TECTB: variants seen among roughly 807,000 people sequenced by gnomAD.
The protein encoded by TECTB is tectorin beta, also known as beta-tectorin.
TECTB carries 45 observed loss-of-function variants against 43.3 expected under a neutral mutation model. The observed-to-expected ratio is 1.04, with a 90% CI of 0.82 to 1.33. The LOEUF is 1.33. Ranked by LOEUF, TECTB falls within the 40% of genes most tolerant of loss-of-function variation. TECTB has a pLI of 0.00. For synonymous variants in TECTB, 169 were observed against 156.7 expected, an observed-to-expected ratio of 1.08 and a Z score of -0.59; for missense variants, 399 against 404.7, an observed-to-expected ratio of 0.99 and a Z score of 0.12.
At chr10:112,302,211 C>T (rs997828938) in intron 10 of TECTB, 78 bp downstream of exon 10, 6 of 1,563,208 alleles carry the variant, frequency 3.8e-6, no homozygotes, top group Non-Finnish European at 4.4e-6. Context: ...AGAAGCTTAA[C>T]TTTGGCCCCG....
chr10:112,302,965 C>T (rs1848625169), intron 10 of TECTB: 1 of 409,528 alleles, frequency 2.4e-6, no homozygotes, highest in Non-Finnish European at 4.4e-6. Flanking sequence ...TCATGTAAAT[C>T]AACTTTTAAA....
chr10:112,301,832 T>C (rs543597527), intron 9 of TECTB, among the ~76,000 whole-genome samples: 7 of 152,278 alleles, frequency 4.6e-5, no homozygotes, highest in African/African-American at 1.7e-4. Context: ...TGACTCAGCC[T>C]CCTGAGTAGC....
chr10:112,283,785 A>C lies in TECTB; in HGVS notation c.51A>C (p.Ala17=). The C allele has an allele frequency of 6.2e-7, 1 of 1,614,000 alleles. No homozygotes were observed. Among genetic ancestry groups the C allele is most frequent in the Non-Finnish European group, 8.5e-7 (1 of 1,179,928 alleles). ...TGGCCATCTTTGCAGAAGCCTCTGC[A>C]AAATCGTGTGCTCCAAATAAAGCAG... The part of the protein sequence containing the change: ...VLLAIFAEAS[A]KSCAPNKADV... The change falls in exon 2 of 11, where the codon GCA becomes GCC. Residue 17 remains alanine, a synonymous_variant. Transcript: ENST00000646139.
chr10:112,287,016 A>G (rs1848460719), intron 5 of TECTB, among the ~76,000 whole-genome samples: 1 of 152,240 alleles, frequency 6.6e-6, no homozygotes, highest in Non-Finnish European at 1.5e-5. Context: ...GGCAAGGTCA[A>G]CAGACAATAA....
At chr10:112,294,631 C>T (rs1376588333) in intron 7 of TECTB, among the ~76,000 whole-genome samples, 4 of 152,114 alleles carry the variant, frequency 2.6e-5, no homozygotes, top group African/African-American at 2.4e-5. Flanking sequence ...TAAAGTAGTA[C>T]TAGAAGTGCG....
Position 112,302,150 on chromosome 10 carries a change from C to T in TECTB, c.940+17C>T, listed in dbSNP as rs1477850051. 3.1e-6 allele frequency: 5 copies of T among 1,613,748 alleles called. No individual in the cohort carries two copies. The highest frequency in any genetic ancestry group is 2.7e-5 in the African/African-American group (2 of 74,922). The stretch of plus-strand genomic sequence containing the variant: ...GCTTCTCAGGTAAGGAAAAGAGACA[C>T]TTCTGGGATTTCGTGGGGCTATGCT... On this transcript the variant is annotated intron_variant, in intron 10 of 10. Coordinates refer to ENST00000646139, the MANE Select transcript of TECTB (RefSeq NM_058222.3).
At chr10:112,299,401 T>TAAAATATCTTTTC (rs1848576351) in intron 8 of TECTB, 91 bp from the exon 9 acceptor site, 9 of 1,316,202 alleles carry the variant, frequency 6.8e-6, no homozygotes, top group Middle Eastern at 1.8e-4. Context: ...GTGACCTTTT[T>TAAAATATCTTTTC]AAAATATCTT....
At position 112,299,486 on chromosome 10, in the gene TECTB, C is replaced by T. The variant is rs1367097694; in HGVS notation, c.835-6C>T. On this transcript the variant is annotated splice_polypyrimidine_tract_variant and splice_region_variant and intron_variant, in intron 8 of 10. Coordinates refer to ENST00000646139, the MANE Select transcript of TECTB (RefSeq NM_058222.3). ...TTCTCTCCTGTCTGCCTCTCTGGGT[C>T]TTCAGACCTGCGATAAACGGAAGCG... 1 of 1,614,220 alleles carries T rather than the reference C, an allele frequency of 6.2e-7. No homozygotes were observed. Among genetic ancestry groups the T allele is most frequent in the South Asian group, 1.1e-5 (1 of 91,082 alleles).
At position 112,293,323 on chromosome 10, in the gene TECTB, G is replaced by A. The variant is rs546168542; in HGVS notation, c.484-415G>A. ...TCTGATCCTACACTTCCCAACCCACGCTGAAATCTGCTCAGGCAAAAAGTA... is the reference window on the plus strand; with the variant it reads ...TCTGATCCTACACTTCCCAACCCACACTGAAATCTGCTCAGGCAAAAAGTA... On this transcript the variant is annotated intron_variant, in intron 5 of 10. Transcript: ENST00000646139. Among the ~76,000 whole-genome samples, 7 of 152,300 alleles carry A rather than the reference G, an allele frequency of 4.6e-5. No homozygotes were observed. In the East Asian group the frequency reaches 1.2e-3, roughly 25 times the overall value.
rs763907318 is a variant in TECTB, at chr10:112,299,522, G to T, written c.865G>T (p.Asp289Tyr). Reference protein sequence around the residue: ...TCDKRKRLLRDQTGGVLVVEL... With the variant: ...TCDKRKRLLRYQTGGVLVVEL... Reference sequence around the variant, plus strand: ...CGATAAACGGAAGCGCCTCCTGCGAGACCAGACCGGGGGAGTCCTGGTCGT... The same window carrying T: ...CGATAAACGGAAGCGCCTCCTGCGATACCAGACCGGGGGAGTCCTGGTCGT... The change falls in exon 9 of 11, where the codon GAC (aspartate) becomes TAC (tyrosine). Residue 289 changes from aspartate (D) to tyrosine (Y), a missense_variant. Physicochemically the swap from Asp to Tyr is radical, Grantham distance 160. Transcript: ENST00000646139. 1 of 1,614,238 alleles carries T rather than the reference G, an allele frequency of 6.2e-7. No homozygotes were observed. The highest frequency in any genetic ancestry group is 8.5e-7 in the Non-Finnish European group (1 of 1,180,046).
rs181647033 is a variant in TECTB at position 112,286,280 on chromosome 10, G to A, written c.411-39G>A. 5.1e-4 allele frequency: 820 copies of A among 1,612,642 alleles called. 3 individuals are homozygous for A. The highest frequency in any genetic ancestry group is 5.1e-4 in the Non-Finnish European group (597 of 1,178,708). On this transcript the variant is annotated intron_variant, in intron 4 of 10. Transcript: ENST00000646139. ...TGTACTGCAGGTCCTATCAATCAGC[G>A]TGTTTCAGTCCTTATGCAAAATTCT...
chr10:112,300,586 T>C (rs1848602844), intron 9 of TECTB, among the ~76,000 whole-genome samples: 1 of 152,074 alleles, frequency 6.6e-6, no homozygotes, highest in Non-Finnish European at 1.5e-5. Flanking sequence ...GGTGCCATGG[T>C]TGCACAGTTG....
intron 7 of TECTB, among the ~76,000 whole-genome samples, chr10:112,295,246 A>T (rs1040123936): frequency 3.3e-5 from 5 of 152,250 alleles, no homozygotes; most frequent in Non-Finnish European, 2.9e-5. Context: ...ACATAATTGG[A>T]TAACAAAAGT....
intron 9 of TECTB, among the ~76,000 whole-genome samples, chr10:112,300,222 GAAAGAAAT>G (rs1423344329): frequency 1.9e-4 from 12 of 64,652 alleles, no homozygotes; most frequent in Non-Finnish European, 2.6e-4. Context: ...CAGACAGACA[GAAAGAAAT>G]AAAGAAAGAA....
At chr10:112,285,208 A>T (rs1357810410) in intron 3 of TECTB, among the ~76,000 whole-genome samples, 3 of 152,214 alleles carry the variant, frequency 2.0e-5, no homozygotes, top group African/African-American at 7.2e-5. Flanking sequence ...TAGGAAACAG[A>T]CGCCCTCTTA....
intron 5 of TECTB, 149 bp downstream of exon 5, chr10:112,286,540 T>A: frequency 1.2e-6 from 1 of 838,014 alleles, no homozygotes; most frequent in Non-Finnish European, 1.8e-6. Flanking sequence ...GGTTTAGCTT[T>A]AAACCTCTTT....
At chr10:112,293,668 A>G in intron 5 of TECTB, 70 bp from the exon 6 acceptor site, 1 of 1,412,256 alleles carries the variant, frequency 7.1e-7, no homozygotes, top group Admixed American at 1.7e-5. Context: ...ATCCCAATTC[A>G]TCTGCTCCTG....
intron 7 of TECTB, 38 bp from the exon 8 acceptor site, chr10:112,298,031 G>A (rs1212913548): frequency 1.9e-6 from 3 of 1,613,012 alleles, no homozygotes; most frequent in Non-Finnish European, 2.5e-6. Context: ...GGAGTTCAAG[G>A]AGATGACAGT....
At chr10:112,293,906 T>C (rs1848522722) in intron 6 of TECTB, 65 bp downstream of exon 6, 3 of 1,605,062 alleles carry the variant, frequency 1.9e-6, no homozygotes, top group Non-Finnish European at 1.7e-6. Flanking sequence ...GCTGACATAC[T>C]TTTTAATCAT....
Sources: allele counts gnomAD v4.1 joint callset (sites outside exome capture counted in the v4.1 genomes callset), GRCh38; gene constraint gnomAD v4.1.1; transcripts MANE v1.5; gene names NCBI Gene and HGNC (gene_info 2026-07-23, HGNC 2026-07-21).